Variants in MED20 observed in about 807,000 individuals in gnomAD.
MED20 encodes the protein mediator complex subunit 20.
MED20 carries 19 observed loss-of-function variants against 19.7 expected under a neutral mutation model. The observed-to-expected ratio is 0.96, with a 90% CI of 0.67 to 1.42. The LOEUF (loss-of-function observed/expected upper bound fraction) is 1.42, where lower values mean the gene tolerates loss of function less well. Among genes scored for constraint, MED20 ranks in the 40% most tolerant of loss-of-function variants. The probability of loss-of-function intolerance (pLI) is 0.00; values close to 1 mark genes in which losing one functional copy is unlikely to be tolerated. For missense variants in MED20, 225 were observed against 273.0 expected, an observed-to-expected ratio of 0.82 and a Z score of 1.24; for synonymous variants, 105 against 104.8, an observed-to-expected ratio of 1.00 and a Z score of -0.01.
intron 2 of MED20, among the ~76,000 whole-genome samples, chr6:41,916,500 A>C (rs969488148): frequency 3.3e-5 from 5 of 151,952 alleles, no homozygotes; most frequent in African/African-American, 4.8e-5. Flanking sequence ...GAATCACTTG[A>C]ACCTGGGAGG....
At chr6:41,907,980 A>C (rs1775099430) in intron 3 of MED20, among the ~76,000 whole-genome samples, 1 of 152,220 alleles carries the variant, frequency 6.6e-6, no homozygotes, top group Admixed American at 6.5e-5. Flanking sequence ...AGCAAATCCA[A>C]GGTCTATCAC....
At chr6:41,915,159 C>G (rs1174998543) in intron 2 of MED20, among the ~76,000 whole-genome samples, 3 of 152,158 alleles carry the variant, frequency 2.0e-5, no homozygotes, top group African/African-American at 7.2e-5. Flanking sequence ...AAGGGCCAGG[C>G]ATGGTGGCTC....
chr6:41,919,298 G>A (rs1775399154), intron 1 of MED20, among the ~76,000 whole-genome samples: 1 of 152,132 alleles, frequency 6.6e-6, no homozygotes, highest in African/African-American at 2.4e-5. Context: ...GTATAAGGAT[G>A]TAGTGCCTGT....
Position 41,907,090 on chromosome 6 carries a change from C to G in MED20, c.621G>C (p.Pro207=), listed in dbSNP as rs200052512. The stretch of plus-strand genomic sequence containing the variant: ...CTCATCACTAACGAATCCCAGCCAC[C>G]GGCACCTGCTGCTGCTTGCGGATCT... ...FNKIRKQQQV[P]VAGIR The change falls in exon 4 of 4, where the codon CCG becomes CCC. Residue 207 remains proline (P), a synonymous_variant. Coordinates refer to ENST00000265350, the MANE Select transcript of MED20 (RefSeq NM_004275.5). 1 of 1,613,650 alleles carries G rather than the reference C, an allele frequency of 6.2e-7. No homozygotes were observed. The highest frequency in any genetic ancestry group is 8.5e-7 in the Non-Finnish European group (1 of 1,179,974).
chr6:41,920,755 G>C (rs1201760738), intron 1 of MED20: 6 of 434,950 alleles, frequency 1.4e-5, no homozygotes, highest in Non-Finnish European at 2.4e-5. Flanking sequence ...TGGCGACAGA[G>C]CGAGACCCCG....
intron 1 of MED20, chr6:41,917,448 G>A: frequency 4.9e-6 from 1 of 203,360 alleles, no homozygotes; most frequent in Non-Finnish European, 1.0e-5. Context: ...GTTAGAGTGG[G>A]GAAGAGTAGA....
At position 41,916,749 on chromosome 6, in the gene MED20, C is replaced by A. The variant is rs984833108; in HGVS notation, c.169+36G>T. On this transcript the variant is annotated intron_variant, in intron 2 of 3. Coordinates refer to ENST00000265350, the MANE Select transcript of MED20 (RefSeq NM_004275.5). ...ACTCAAATGTCTCTTAACTCCAAGC[C>A]TGGTTCCAGCCATCCTACAGACCCA... The A allele has an allele frequency of 1.4e-5, 22 of 1,610,062 alleles. No homozygotes were observed. The Admixed American group carries it at 2.3e-4, about 17-fold the overall frequency.
intron 2 of MED20, among the ~76,000 whole-genome samples, 196 bp from the exon 3 acceptor site, chr6:41,909,718 A>C (rs1265639065): frequency 6.6e-6 from 1 of 152,198 alleles, no homozygotes; most frequent in Non-Finnish European, 1.5e-5. Flanking sequence ...GAGAGGCAGC[A>C]TGTGGTAAAA....
chr6:41,918,147 T>G (rs76032968), intron 1 of MED20, among the ~76,000 whole-genome samples: 2 of 152,168 alleles, frequency 1.3e-5, no homozygotes, highest in African/African-American at 4.8e-5. Flanking sequence ...GGCCTTTAGA[T>G]GAATTAACTC....
rs1371078305 is a variant in MED20, at chr6:41,905,691, AAT to A, written c.*1379_*1380del. ...GTGTATATCAAGGTTAACCTGGATGAATATTTCTGCAGCAGGCATGGGGTAGG... is the reference window on the plus strand; with the variant it reads ...GTGTATATCAAGGTTAACCTGGATGAATTTCTGCAGCAGGCATGGGGTAGG... On this transcript the variant is annotated 3_prime_UTR_variant, in exon 4 of 4. Coordinates refer to ENST00000265350, the MANE Select transcript of MED20 (RefSeq NM_004275.5). The A allele has an allele frequency of 3.3e-5, 5 of 152,264 alleles. No homozygotes were observed. Among genetic ancestry groups the A allele is most frequent in the Admixed American group, 2.6e-4 (4 of 15,272 alleles). The allele number at this position is 152,264 out of a possible 1,614,324, so 9.4% of individuals were successfully genotyped here. A position where few individuals can be genotyped will look rare whatever the true frequency, so the allele number is the denominator to read the frequency against.
At chr6:41,919,744 A>G (rs1330816013) in intron 1 of MED20, among the ~76,000 whole-genome samples, 9 of 152,150 alleles carry the variant, frequency 5.9e-5, no homozygotes, top group African/African-American at 2.2e-4. Context: ...TGCATGTACA[A>G]AACAGCAAGA....
chr6:41,917,795 C>T (rs781506480), intron 1 of MED20: 1 of 471,294 alleles, frequency 2.1e-6, no homozygotes, highest in East Asian at 6.9e-5. Flanking sequence ...ATGTTTTTAC[C>T]AACTCTGTGA....
chr6:41,908,769 C>T (rs1775116211), intron 3 of MED20, among the ~76,000 whole-genome samples: 1 of 152,084 alleles, frequency 6.6e-6, no homozygotes, highest in Admixed American at 6.6e-5. Context: ...CTTCCCGCTT[C>T]CTACTTGCCA....
intron 2 of MED20, among the ~76,000 whole-genome samples, chr6:41,914,498 G>C (rs1348116225): frequency 3.3e-5 from 5 of 152,198 alleles, no homozygotes; most frequent in Admixed American, 2.6e-4. Context: ...GTTAGAATGT[G>C]GCAAAGCCAG....
At chr6:41,916,360 ACCTGAGGTCGGGAGTTCGAGATCAG>A (rs2127379855) in intron 2 of MED20, among the ~76,000 whole-genome samples, 1 of 152,310 alleles carries the variant, frequency 6.6e-6, no homozygotes, top group South Asian at 2.1e-4. Flanking sequence ...TGGGCAGATC[ACCTGAGGTCGGGAGTTCGAGATCAG>A]CCTGACCCAC....
At chr6:41,908,324 G>A (rs1775107080) in intron 3 of MED20, among the ~76,000 whole-genome samples, 1 of 152,092 alleles carries the variant, frequency 6.6e-6, no homozygotes, top group Non-Finnish European at 1.5e-5. Flanking sequence ...TCTCAGTGCT[G>A]GGCACATTAT....
chr6:41,905,906 C>G lies in MED20; in HGVS notation c.*1166G>C, dbSNP rs1182464910. 2.0e-5 allele frequency: 3 copies of G among 152,208 alleles called. No individual in the cohort carries two copies. Among genetic ancestry groups the G allele is most frequent in the Non-Finnish European group, 2.9e-5 (2 of 68,044 alleles). 9.4% of individuals were successfully genotyped at this position (152,208 alleles called of 1,614,324 possible). On this transcript the variant is annotated 3_prime_UTR_variant, in exon 4 of 4. Transcript: ENST00000265350. ...GTGTGGAATTAACTTCCTAGTGTGA[C>G]TAATCCAACTTAGCTCAAAGCGGCT...
intron 3 of MED20, 94 bp downstream of exon 3, chr6:41,909,175 A>G: frequency 8.3e-7 from 1 of 1,200,552 alleles, no homozygotes; most frequent in Non-Finnish European, 1.1e-6. Context: ...CTCTGTCTCA[A>G]AAAAAAAAAA....
rs1561934001 is a variant in MED20 at position 41,906,895 on chromosome 6, G to A, written c.*177C>T. On this transcript the variant is annotated 3_prime_UTR_variant, in exon 4 of 4. Transcript: ENST00000265350. ...AGCTGATGGGGGGCTATGTGTGAGAGTCAGGGGGTTGGGGAGGGGACTCAG... is the reference window on the plus strand; with the variant it reads ...AGCTGATGGGGGGCTATGTGTGAGAATCAGGGGGTTGGGGAGGGGACTCAG... 1.6e-6 allele frequency: 1 copy of A among 606,944 alleles called. No homozygotes were observed. The highest frequency in any genetic ancestry group is 2.9e-6 in the Non-Finnish European group (1 of 344,252). The allele number at this position is 606,944 out of a possible 1,614,324, so 37.6% of individuals were successfully genotyped here. A position where few individuals can be genotyped will look rare whatever the true frequency, so the allele number is the denominator to read the frequency against.
Sources: gnomAD v4.1 joint callset for allele counts (sites outside exome capture counted in the v4.1 genomes callset) on GRCh38, gnomAD v4.1.1 for gene constraint, MANE v1.5 for transcripts, NCBI Gene and HGNC (gene_info 2026-07-23, HGNC 2026-07-21) for gene names.